The following RAB20 variants were observed in gnomAD, a reference collection of about 807,000 sequenced individuals.
RAB20 encodes ras-related protein Rab-20.
Under a neutral mutation model 3.7 loss-of-function variants are expected in RAB20, and 2 were observed. The ratio of observed to expected loss-of-function variants is 0.54; its 90% CI spans 0.22 to 1.69. RAB20 has a LOEUF of 1.69. RAB20 is among the 40% of genes most tolerant of loss of function. The pLI is 0.19. For synonymous variants in RAB20, 126 were observed against 130.8 expected, an observed-to-expected ratio of 0.96 and a Z score of 0.25; for missense variants, 276 against 311.9, an observed-to-expected ratio of 0.88 and a Z score of 0.87.
intron 1 of RAB20, among the ~76,000 whole-genome samples, chr13:110,549,809 C>T (rs1884919980): frequency 6.6e-6 from 1 of 152,096 alleles, no homozygotes; most frequent in Non-Finnish European, 1.5e-5. Context: ...CAACCTCTGC[C>T]GCCTCCTGGG....
intron 1 of RAB20, among the ~76,000 whole-genome samples, chr13:110,547,031 C>T (rs192068892): frequency 2.0e-4 from 31 of 152,302 alleles, no homozygotes; most frequent in African/African-American, 6.7e-4. Context: ...TGAGTCACCA[C>T]GCCTGGCCAA....
intron 1 of RAB20, among the ~76,000 whole-genome samples, chr13:110,553,999 C>CAG (rs1488188054): frequency 6.6e-6 from 1 of 152,080 alleles, no homozygotes; most frequent in African/African-American, 2.4e-5. Context: ...CCTGTGGTCC[C>CAG]AGCTACTCAG....
chr13:110,527,900 T>TAAACACACACAC (rs1398743171), intron 1 of RAB20, among the ~76,000 whole-genome samples: 13 of 138,216 alleles, frequency 9.4e-5, no homozygotes, highest in African/African-American at 3.6e-4. Flanking sequence ...TCTCTACAAA[T>TAAACACACACAC]ACACACACAC....
chr13:110,561,617 C>T lies in RAB20; in HGVS notation c.-98G>A, dbSNP rs565647034. On this transcript the variant is annotated 5_prime_UTR_variant, in exon 1 of 2. Coordinates refer to ENST00000267328, the MANE Select transcript of RAB20 (RefSeq NM_017817.3). The stretch of plus-strand genomic sequence containing the variant: ...CTGGAGGAGCGGACCCCGGACTCGC[C>T]GGGACCCGGATTCTCGTGAACGCTC... 112 of 1,479,568 alleles carry T rather than the reference C, an allele frequency of 7.6e-5. No individual in the cohort carries two copies. The African/African-American group carries it at 1.5e-3, about 19-fold the overall frequency. The allele number at this position is 1,479,568 out of a possible 1,614,324, so 91.7% of individuals were successfully genotyped here.
intron 1 of RAB20, among the ~76,000 whole-genome samples, chr13:110,557,972 T>C (rs1252725692): frequency 1.3e-5 from 2 of 152,252 alleles, no homozygotes; most frequent in East Asian, 3.9e-4. Flanking sequence ...GCTGTACCAT[T>C]CACTTCTTGC....
chr13:110,523,957 C>A lies in RAB20; in HGVS notation c.413G>T (p.Gly138Val). Residue 138 changes from glycine to valine, a missense_variant, in exon 2 of 2, where the codon GGG (glycine) becomes GTG (valine). Transcript: ENST00000267328. ...KEECSPNMDA[G>V]DRVSPRAPKQ... ...AGGTGCCCTTGGGGAGACACGGTCC[C>A]CAGCGTCCATATTGGGACTGCACTC... is the stretch of plus-strand genomic sequence containing the variant. 1 of 1,614,202 alleles carries A rather than the reference C, an allele frequency of 6.2e-7. No homozygotes were observed. Among genetic ancestry groups the A allele is most frequent in the Non-Finnish European group, 8.5e-7 (1 of 1,180,054 alleles).
chr13:110,552,072 G>A (rs1884962893), intron 1 of RAB20, among the ~76,000 whole-genome samples: 1 of 151,976 alleles, frequency 6.6e-6, no homozygotes, highest in Non-Finnish European at 1.5e-5. Flanking sequence ...AGACGACCCT[G>A]TCTCAAAAAA....
intron 1 of RAB20, among the ~76,000 whole-genome samples, chr13:110,531,068 C>T (rs779622780): frequency 6.6e-5 from 10 of 152,140 alleles, no homozygotes; most frequent in African/African-American, 1.2e-4. Context: ...ATGGCCAGCA[C>T]AGTGTGAGTC....
chr13:110,545,578 G>A (rs1884837654), intron 1 of RAB20, among the ~76,000 whole-genome samples: 1 of 152,186 alleles, frequency 6.6e-6, no homozygotes, highest in Non-Finnish European at 1.5e-5. Flanking sequence ...CACACTCACT[G>A]AGTGTTCACT....
At chr13:110,528,206 C>T (rs1418675237) in intron 1 of RAB20, among the ~76,000 whole-genome samples, 2 of 151,884 alleles carry the variant, frequency 1.3e-5, no homozygotes, top group African/African-American at 4.8e-5. Context: ...CACCTGAGTT[C>T]GGGAGTTCGA....
chr13:110,561,330 A>T lies in RAB20; in HGVS notation c.172+18T>A. 1.3e-6 allele frequency: 2 copies of T among 1,578,016 alleles called. No individual in the cohort carries two copies. The highest frequency in any genetic ancestry group is 1.7e-6 in the Non-Finnish European group (2 of 1,163,938). On this transcript the variant is annotated intron_variant, in intron 1 of 1. Coordinates refer to ENST00000267328, the MANE Select transcript of RAB20 (RefSeq NM_017817.3). ...GCGGAGCCCCAGGGCGGTGTGGCTC[A>T]TGCGGCGCCGGCCTCACCTGCGGTG...
chr13:110,558,397 T>TC (rs1885075478), intron 1 of RAB20, among the ~76,000 whole-genome samples: 1 of 145,246 alleles, frequency 6.9e-6, no homozygotes, highest in Non-Finnish European at 1.5e-5. Context: ...TTTTTTTTTT[T>TC]TTTGAGACAG....
intron 1 of RAB20, among the ~76,000 whole-genome samples, chr13:110,536,076 G>C (rs942046028): frequency 6.6e-6 from 1 of 152,180 alleles, no homozygotes; most frequent in Non-Finnish European, 1.5e-5. Flanking sequence ...GACACCCGGA[G>C]ACACAGGGGC....
chr13:110,561,299 T>A, intron 1 of RAB20, 49 bp downstream of exon 1: 1 of 1,498,834 alleles, frequency 6.7e-7, no homozygotes, highest in Non-Finnish European at 8.9e-7. Context: ...GCGCCCCCCG[T>A]CCCCGGCGGA....
chr13:110,523,288 C>G lies in RAB20; in HGVS notation c.*377G>C, dbSNP rs1884362760. On this transcript the variant is annotated 3_prime_UTR_variant, in exon 2 of 2. Coordinates refer to ENST00000267328, the MANE Select transcript of RAB20 (RefSeq NM_017817.3). ...AGAGTTGTAGGACGTGGTAACAACC[C>G]AGGGTGCTGAAACGGTCAGAGGTGC... 9.2e-6 allele frequency: 4 copies of G among 435,908 alleles called. No homozygotes were observed. The Admixed American group carries it at 1.6e-4, about 17-fold the overall frequency. 27.0% of individuals were successfully genotyped at this position (435,908 alleles called of 1,614,324 possible). A position where few individuals can be genotyped will look rare whatever the true frequency, so the allele number is the denominator to read the frequency against.
At chr13:110,547,374 G>A (rs1027424002) in intron 1 of RAB20, among the ~76,000 whole-genome samples, 3 of 152,208 alleles carry the variant, frequency 2.0e-5, no homozygotes, top group Non-Finnish European at 4.4e-5. Flanking sequence ...TTAACACATT[G>A]ATCTCGTTAG....
chr13:110,550,967 G>GT (rs1884942550), intron 1 of RAB20, among the ~76,000 whole-genome samples: 1 of 152,114 alleles, frequency 6.6e-6, no homozygotes, highest in Non-Finnish European at 1.5e-5. Flanking sequence ...ATGGCCTATT[G>GT]TATCACAGCA....
At chr13:110,541,838 A>ACACACACACACACG (rs1230770266) in intron 1 of RAB20, among the ~76,000 whole-genome samples, 2 of 151,618 alleles carry the variant, frequency 1.3e-5, no homozygotes, top group Admixed American at 6.6e-5. Context: ...ACACACACAC[A>ACACACACACACACG]CACTCTCACA....
chr13:110,523,645 G>C lies in RAB20; in HGVS notation c.*20C>G. ...CCCCTTCCCAACATGCACAGTCTGA[G>C]TCCAGGAGGCCCTCGAAAGTCAGGC... On this transcript the variant is annotated 3_prime_UTR_variant, in exon 2 of 2. Transcript: ENST00000267328. 1 of 1,609,090 alleles carries C rather than the reference G, an allele frequency of 6.2e-7. No individual in the cohort carries two copies. The highest frequency in any genetic ancestry group is 2.2e-5 in the East Asian group (1 of 44,772).
Sources: gnomAD v4.1 joint callset for allele counts (sites outside exome capture counted in the v4.1 genomes callset) on GRCh38, gnomAD v4.1.1 for gene constraint, MANE v1.5 for transcripts, NCBI Gene and HGNC (gene_info 2026-07-23, HGNC 2026-07-21) for gene names.